Variants in ZNF469 observed in about 807,000 individuals in gnomAD.
The protein encoded by ZNF469 is zinc finger protein 469.
Under a neutral mutation model 1.0 loss-of-function variants are expected in ZNF469, and 1 was observed. That is an observed-to-expected ratio of 1.00 (90% CI 0.35 to 4.73). The LOEUF is 4.73. Ranked by LOEUF, ZNF469 falls within the 30% of genes most tolerant of loss-of-function variation. The pLI is 0.16. For synonymous variants in ZNF469, 2,703 were observed against 2,363.4 expected, an observed-to-expected ratio of 1.14 and a Z score of -4.17; for missense variants, 6,100 against 5,356.3, an observed-to-expected ratio of 1.14 and a Z score of -4.33.
At chr16:88,331,423 C>G in the ZNF469 span, among the ~76,000 whole-genome samples, 1 of 151,552 alleles carries the variant, frequency 6.6e-6, no homozygotes, top group Non-Finnish European at 1.5e-5. Context: ...TCACCACCAC[C>G]AACACCACCA....
chr16:88,377,425 GGT>G, the ZNF469 span, among the ~76,000 whole-genome samples: 1 of 152,150 alleles, frequency 6.6e-6, no homozygotes, highest in Non-Finnish European at 1.5e-5. Flanking sequence ...CTGCAGTGGG[GGT>G]GTGTGCCTGT....
the ZNF469 span, among the ~76,000 whole-genome samples, chr16:88,319,428 C>T: frequency 6.6e-6 from 1 of 152,252 alleles, no homozygotes; most frequent in Admixed American, 6.5e-5. Flanking sequence ...GGGGCTGCTC[C>T]CCCAGGGAGG....
the ZNF469 span, among the ~76,000 whole-genome samples, chr16:88,334,242 G>A: frequency 6.6e-6 from 1 of 152,248 alleles, no homozygotes; most frequent in South Asian, 2.1e-4. Flanking sequence ...TTGAGATGCT[G>A]GACTAAGCTG....
At chr16:88,425,488 G>A (rs1042744905) in intron 2 of ZNF469, among the ~76,000 whole-genome samples, 1 of 152,210 alleles carries the variant, frequency 6.6e-6, no homozygotes, top group East Asian at 1.9e-4. Flanking sequence ...TGCAGGGCAG[G>A]AGATGTGCAG....
At chr16:88,189,946 A>G in the ZNF469 span, among the ~76,000 whole-genome samples, 1 of 152,112 alleles carries the variant, frequency 6.6e-6, no homozygotes. The surrounding 1 kb of genome is among the most constrained non-coding windows in gnomAD (Gnocchi z 4.3). Context: ...AATGCACAGA[A>G]ATTTTAACCA....
the ZNF469 span, among the ~76,000 whole-genome samples, chr16:88,263,335 G>C: frequency 1.3e-5 from 2 of 152,206 alleles, no homozygotes; most frequent in Non-Finnish European, 2.9e-5. Context: ...TCGCAGGCTG[G>C]GCTCTGCCAG....
chr16:88,194,353 G>C, the ZNF469 span: 1 of 152,216 alleles, frequency 6.6e-6, no homozygotes, highest in Non-Finnish European at 1.5e-5. Flanking sequence ...ACACCCCTGA[G>C]CTTTGTCCCA....
the ZNF469 span, among the ~76,000 whole-genome samples, chr16:88,111,128 A>G: frequency 3.6e-4 from 55 of 152,298 alleles, no homozygotes; most frequent in Non-Finnish European, 6.6e-4. Flanking sequence ...GCACCGCCCC[A>G]TGTCAAACCA....
At chr16:88,135,270 C>G in the ZNF469 span, among the ~76,000 whole-genome samples, 2 of 152,266 alleles carry the variant, frequency 1.3e-5, no homozygotes, top group African/African-American at 2.4e-5. Context: ...CAGTCTCCCC[C>G]GAGGAATCCT....
the ZNF469 span, among the ~76,000 whole-genome samples, chr16:88,366,845 C>T: frequency 6.6e-6 from 1 of 150,560 alleles, no homozygotes; most frequent in South Asian, 2.1e-4. Flanking sequence ...TCATCATTAC[C>T]ATCACTACCA....
At chr16:88,372,700 T>G in the ZNF469 span, among the ~76,000 whole-genome samples, 2 of 150,296 alleles carry the variant, frequency 1.3e-5, no homozygotes, top group Admixed American at 1.3e-4. Context: ...ATCACCATTA[T>G]CATTACCACC....
At chr16:88,296,242 G>A in the ZNF469 span, among the ~76,000 whole-genome samples, 11 of 152,164 alleles carry the variant, frequency 7.2e-5, no homozygotes, top group African/African-American at 1.9e-4. Context: ...CCAGCCTGGC[G>A]GGGACATCCT....
chr16:88,355,489 G>A, the ZNF469 span, among the ~76,000 whole-genome samples: 14 of 152,228 alleles, frequency 9.2e-5, no homozygotes, highest in African/African-American at 2.4e-4. Context: ...AAACGTGAGC[G>A]TGGCGTCGGT....
chr16:88,143,144 G>A, the ZNF469 span, among the ~76,000 whole-genome samples: 2 of 152,012 alleles, frequency 1.3e-5, no homozygotes, highest in Non-Finnish European at 1.5e-5. Flanking sequence ...GGGGGTGGGG[G>A]GCTCAGCGGC....
At chr16:88,399,864 G>T (rs1532627) in intron 1 of ZNF469, among the ~76,000 whole-genome samples, 39,533 of 152,250 alleles carry the variant, frequency 0.26, 5,794 homozygotes, top group African/African-American at 0.4. Context: ...CCCTCTGCCA[G>T]GTGCTCCTCC....
the ZNF469 span, among the ~76,000 whole-genome samples, chr16:88,174,150 A>C: frequency 1.6e-3 from 248 of 152,320 alleles, no homozygotes; most frequent in African/African-American, 5.6e-3. Context: ...AGAGGGTAGA[A>C]AAAAGATATA....
Position 88,434,788 on chromosome 16 carries a change from G to A in ZNF469, c.7318G>A (p.Gly2440Ser), listed in dbSNP as rs761232264. 1.5e-5 allele frequency: 24 copies of A among 1,550,202 alleles called. No homozygotes were observed. The highest frequency in any genetic ancestry group is 1.9e-5 in the Non-Finnish European group (22 of 1,146,966). ...CCAGACTCCCCAGGGGGACCCCCTC[G>A]GCCCCCAAGACCTCAAACAGAGGTC... ...SHQTPQGDPL[G>S]PQDLKQRSRG... is the part of the protein sequence containing the mutation. Residue 2440 changes from glycine to serine, a missense_variant, in exon 3 of 3, where the codon GGC becomes AGC. Gly to Ser is a moderately conservative substitution (Grantham distance 56). Transcript: ENST00000565624.
the ZNF469 span, among the ~76,000 whole-genome samples, chr16:88,107,046 G>A: frequency 7.9e-5 from 12 of 152,214 alleles, no homozygotes; most frequent in Admixed American, 1.3e-4. Context: ...CCTTTGGGGC[G>A]TGCTGGCAGG....
the ZNF469 span, among the ~76,000 whole-genome samples, chr16:88,263,424 G>T: frequency 6.6e-6 from 1 of 152,202 alleles, no homozygotes; most frequent in Non-Finnish European, 1.5e-5. Flanking sequence ...GGCTGCACTT[G>T]TCCTGGGCCG....
Sources: gnomAD v4.1 joint callset for allele counts (sites outside exome capture counted in the v4.1 genomes callset) on GRCh38, gnomAD v4.1.1 for gene constraint, Gnocchi (gnomAD v3.1) non-coding constraint, MANE v1.5 for transcripts, NCBI Gene and HGNC (gene_info 2026-07-23, HGNC 2026-07-21) for gene names.